Variants in PRICKLE2 observed in about 807,000 individuals in gnomAD.
PRICKLE2 encodes prickle planar cell polarity protein 2.
PRICKLE2 carries 21 observed loss-of-function variants against 81.4 expected under a neutral mutation model. The ratio of observed to expected loss-of-function variants is 0.26; its 90% confidence interval spans 0.18 to 0.37. The LOEUF (loss-of-function observed/expected upper bound fraction) is 0.37. PRICKLE2 is among the 10% of genes least tolerant of loss of function. The probability of loss-of-function intolerance (pLI) is 1.00; values close to 1 mark genes in which losing one functional copy is unlikely to be tolerated. For synonymous variants in PRICKLE2, 456 were observed against 421.5 expected (o/e 1.08, Z -1.00); for missense variants, 940 against 1,109.0 (o/e 0.85, Z 2.16).
In PRICKLE2 at chr3:64,093,883, T is replaced by A. The variant is rs1312436143; in HGVS notation, c.*5168A>T. 1 of 152,502 alleles carries A rather than the reference T, an allele frequency of 6.6e-6. No individual in the cohort carries two copies. The highest frequency in any genetic ancestry group is 2.4e-5 in the African/African-American group (1 of 41,476). 9.4% of individuals were successfully genotyped at this position (152,502 alleles called of 1,614,324 possible). A position where few individuals can be genotyped will look rare whatever the true frequency, so the allele number is the denominator to read the frequency against. On this transcript the variant is annotated 3_prime_UTR_variant, in exon 8 of 8. Coordinates refer to ENST00000638394, the MANE Select transcript of PRICKLE2 (RefSeq NM_198859.4). ...ATGGCAACATTTCTTTTATTCAAAT[T>A]TTATTGGAAGTTTACAAATGTATTA... is the stretch of plus-strand genomic sequence containing the variant.
intron 7 of PRICKLE2, among the ~76,000 whole-genome samples, chr3:64,113,534 A>G (rs1473836721): frequency 6.6e-6 from 1 of 152,076 alleles, no homozygotes; most frequent in African/African-American, 2.4e-5. Flanking sequence ...CTCCCTCCCC[A>G]TACTGCAGCT....
intron 7 of PRICKLE2, among the ~76,000 whole-genome samples, chr3:64,103,706 G>C (rs1163533637): frequency 6.6e-6 from 1 of 152,210 alleles, no homozygotes; most frequent in Non-Finnish European, 1.5e-5. Context: ...TTGGCCAGGT[G>C]TGGTGGCTCA....
chr3:64,217,127 G>C (rs1369751546), intron 1 of PRICKLE2, among the ~76,000 whole-genome samples: 1 of 152,142 alleles, frequency 6.6e-6, no homozygotes, highest in East Asian at 1.9e-4. Context: ...GGACTGCCAG[G>C]AGGATGCCTA....
intron 1 of PRICKLE2, among the ~76,000 whole-genome samples, chr3:64,214,291 G>C (rs561832914): frequency 2.0e-5 from 3 of 152,126 alleles, no homozygotes; most frequent in African/African-American, 7.2e-5. Context: ...CAGAGGCTCC[G>C]GACGACCCCA....
chr3:64,243,332 C>T (rs1439335142), intron 2 of PRICKLE2, among the ~76,000 whole-genome samples: 1 of 152,160 alleles, frequency 6.6e-6, no homozygotes, highest in Non-Finnish European at 1.5e-5. Context: ...TCAGCAGTAC[C>T]CATGACCTAT....
chr3:64,132,360 T>C lies in PRICKLE2; in HGVS notation c.1660+14470A>G, dbSNP rs559518132. ...GTTGGGTTTGACCAATGGGAAAAGATCAGAGGGTAGAAAGTATTTATTGTC... is the reference window on the plus strand; with the variant it reads ...GTTGGGTTTGACCAATGGGAAAAGACCAGAGGGTAGAAAGTATTTATTGTC... On this transcript the variant is annotated intron_variant, in intron 7 of 7. Coordinates refer to ENST00000638394, the MANE Select transcript of PRICKLE2 (RefSeq NM_198859.4). Among the ~76,000 whole-genome samples the C allele has an allele frequency of 5.9e-5, 9 of 152,302 alleles. No individual in the cohort carries two copies. The South Asian group carries it at 1.7e-3, about 28-fold the overall frequency.
At position 64,218,874 on chromosome 3, in the gene PRICKLE2, C is replaced by T. The variant is rs191159220; in HGVS notation, c.-41+6036G>A. Among the ~76,000 whole-genome samples, 24 of 152,234 alleles carry T rather than the reference C, an allele frequency of 1.6e-4. No homozygotes were observed. The East Asian group carries it at 4.1e-3, about 26-fold the overall frequency. On this transcript the variant is annotated intron_variant, in intron 1 of 7. Transcript: ENST00000638394. ...AAATTCAGAATCTGCATTTCAGCAA[C>T]GCCCCCAGGTAGATGCACATTAAAC...
chr3:64,187,936 G>A (rs2078265440), intron 2 of PRICKLE2, among the ~76,000 whole-genome samples: 1 of 152,212 alleles, frequency 6.6e-6, no homozygotes, highest in Non-Finnish European at 1.5e-5. Context: ...AGGCCAGAAA[G>A]GGAGCTGAAG....
At chr3:64,214,206 G>A (rs2107139983) in intron 1 of PRICKLE2, among the ~76,000 whole-genome samples, 1 of 152,204 alleles carries the variant, frequency 6.6e-6, no homozygotes, top group Admixed American at 6.5e-5. Flanking sequence ...AACTTGACAG[G>A]GGCCCTTTAA....
chr3:64,222,272 A>G (rs1409164997), intron 1 of PRICKLE2, among the ~76,000 whole-genome samples: 2 of 152,186 alleles, frequency 1.3e-5, no homozygotes, highest in Non-Finnish European at 2.9e-5. Flanking sequence ...TGGTTAAGGT[A>G]TAAATATTAT....
At chr3:64,108,165 C>T (rs1180877447) in intron 7 of PRICKLE2, among the ~76,000 whole-genome samples, 1 of 152,148 alleles carries the variant, frequency 6.6e-6, no homozygotes, top group Non-Finnish European at 1.5e-5. Context: ...ACCTGCAAAG[C>T]CTCAAATATT....
At chr3:64,144,233 T>G (rs2077408328) in intron 7 of PRICKLE2, among the ~76,000 whole-genome samples, 1 of 152,208 alleles carries the variant, frequency 6.6e-6, no homozygotes, top group African/African-American at 2.4e-5. Context: ...AGAGCAAGGT[T>G]CTGAAATCAT....
At chr3:64,148,464 A>G (rs73832114) in intron 6 of PRICKLE2, among the ~76,000 whole-genome samples, 16,098 of 152,316 alleles carry the variant, frequency 0.11, 1,015 homozygotes, top group African/African-American at 0.18. Flanking sequence ...AGGACCTGGA[A>G]CATGGCCTGG....
At chr3:64,102,946 T>C (rs1025218597) in intron 7 of PRICKLE2, 8 of 152,190 alleles carry the variant, frequency 5.3e-5, no homozygotes, top group African/African-American at 1.9e-4. Context: ...AAATGGTTTA[T>C]AAATAAAATG....
intron 2 of PRICKLE2, among the ~76,000 whole-genome samples, chr3:64,186,901 C>T (rs1020648083): frequency 6.6e-6 from 1 of 152,150 alleles, no homozygotes; most frequent in Admixed American, 6.5e-5. Flanking sequence ...GTAGACTGCC[C>T]AGTCAGCAGA....
chr3:64,205,914 T>G (rs2078679569), intron 1 of PRICKLE2, among the ~76,000 whole-genome samples: 1 of 152,100 alleles, frequency 6.6e-6, no homozygotes, highest in South Asian at 2.1e-4. Context: ...ATTCTCAAGG[T>G]TCCAAAGCCA....
chr3:64,260,088 T>C (rs982110366), intron 2 of PRICKLE2, among the ~76,000 whole-genome samples: 1 of 152,142 alleles, frequency 6.6e-6, no homozygotes, highest in African/African-American at 2.4e-5. Context: ...TCTTTATGAT[T>C]GGACTTCTCA....
intron 2 of PRICKLE2, among the ~76,000 whole-genome samples, chr3:64,263,092 A>C (rs945446948): frequency 1.5e-4 from 23 of 152,330 alleles, no homozygotes; most frequent in African/African-American, 5.3e-4. Context: ...GGGAGATGTA[A>C]AACATCGTAT....
intron 2 of PRICKLE2, chr3:64,174,572 C>G (rs1213398986): frequency 6.3e-6 from 1 of 158,306 alleles, no homozygotes; most frequent in African/African-American, 2.4e-5. Context: ...TTCCTCATAC[C>G]ATGCACTTGC....
Sources: gnomAD v4.1 joint callset for allele counts (sites outside exome capture counted in the v4.1 genomes callset) on GRCh38, gnomAD v4.1.1 for gene constraint, MANE v1.5 for transcripts, NCBI Gene and HGNC (gene_info 2026-07-23, HGNC 2026-07-21) for gene names.